Variants in HIPK1 observed in about 807,000 individuals in gnomAD.
The protein encoded by HIPK1 is homeodomain-interacting protein kinase 1.
A neutral mutation model predicts 117.1 loss-of-function variants in HIPK1; 28 were observed. That is an observed-to-expected ratio of 0.24 (90% CI 0.18 to 0.33). The LOEUF (loss-of-function observed/expected upper bound fraction) is 0.33. Ranked by LOEUF, HIPK1 falls within the 10% of genes least tolerant of loss-of-function variation. The pLI, the probability that HIPK1 is intolerant of heterozygous loss-of-function variation, is 1.00. For synonymous variants in HIPK1, 605 were observed against 562.5 expected (o/e 1.08, Z -1.07); for missense variants, 1,122 against 1,475.1 (o/e 0.76, Z 3.92).
intron 1 of HIPK1, chr1:113,929,983 T>G: frequency 1.0e-6 from 1 of 984,928 alleles, no homozygotes; most frequent in Non-Finnish European, 1.2e-6. Context: ...GGGAGCGACT[T>G]CCCCTCAGCT....
intron 13 of HIPK1, 79 bp from the exon 14 acceptor site, chr1:113,969,877 A>ACT: frequency 6.5e-7 from 1 of 1,530,540 alleles, no homozygotes; most frequent in Non-Finnish European, 8.9e-7. Context: ...ACTGCACTCC[A>ACT]GCCTGGGTGA....
In HIPK1 at chr1:113,955,642, T is replaced by C. The variant is rs772658709; in HGVS notation, c.1400T>C (p.Met467Thr). 3.8e-6 allele frequency: 6 copies of C among 1,580,574 alleles called. No homozygotes were observed. Among genetic ancestry groups the C allele is most frequent in the Non-Finnish European group, 4.3e-6 (5 of 1,151,634 alleles). ...TACATTTTTAATTGCTTAGATGACA[T>C]GGCTCAGGTGAGTACGGAAAGTTTC... Reference protein sequence around the residue: ...RKYIFNCLDDMAQVNMSTDLE... With the variant: ...RKYIFNCLDDTAQVNMSTDLE... Residue 467 changes from methionine (M) to threonine (T), a missense_variant, in exon 5 of 16, where the codon ATG becomes ACG. Met to Thr is a moderately conservative substitution (Grantham distance 81). Coordinates refer to ENST00000426820, the MANE Select transcript of HIPK1 (RefSeq NM_198268.3).
At chr1:113,969,909 A>G in intron 13 of HIPK1, 47 bp from the exon 14 acceptor site, 1 of 1,606,920 alleles carries the variant, frequency 6.2e-7, no homozygotes, top group Non-Finnish European at 8.5e-7. Context: ...GCTGTCACAC[A>G]CACAAAAAAG....
At chr1:113,954,492 A>C (rs1671579626) in intron 3 of HIPK1, 159 bp from the exon 4 acceptor site, 1 of 645,770 alleles carries the variant, frequency 1.5e-6, no homozygotes, top group African/African-American at 1.8e-5. Flanking sequence ...GTAGCTGTGG[A>C]TGGATTAGTA....
intron 11 of HIPK1, 63 bp downstream of exon 11, chr1:113,966,335 G>A (rs1198798122): frequency 1.4e-6 from 2 of 1,470,186 alleles, no homozygotes; most frequent in Non-Finnish European, 1.8e-6. Context: ...GGGAGCACTT[G>A]GTAATAAGGA....
intron 3 of HIPK1, among the ~76,000 whole-genome samples, chr1:113,953,194 G>C (rs1480086903): frequency 6.6e-6 from 1 of 152,150 alleles, no homozygotes; most frequent in African/African-American, 2.4e-5. Flanking sequence ...TGTGAGTTAG[G>C]AAAGTAGAGT....
Position 113,955,620 on chromosome 1 carries a change from A to G in HIPK1, c.1378A>G (p.Ile460Val). ...AAAATCAAAAGAAGCTCGGAAGTAC[A>G]TTTTTAATTGCTTAGATGACATGGC... ...GIKSKEARKY[I>V]FNCLDDMAQV... The change falls in exon 5 of 16, where the codon ATT becomes GTT. Residue 460 changes from isoleucine to valine, a missense_variant. Coordinates refer to ENST00000426820, the MANE Select transcript of HIPK1 (RefSeq NM_198268.3). The G allele has an allele frequency of 6.2e-7, 1 of 1,605,284 alleles. No homozygotes were observed. Among genetic ancestry groups the G allele is most frequent in the Non-Finnish European group, 8.5e-7 (1 of 1,172,314 alleles).
In HIPK1 at chr1:113,971,087, G is replaced by A. The variant is rs566850077; in HGVS notation, c.3014-737G>A. Among the ~76,000 whole-genome samples the A allele has an allele frequency of 1.1e-4, 16 of 152,310 alleles. No individual in the cohort carries two copies. The South Asian group carries it at 3.1e-3, about 30-fold the overall frequency. ...ACTTGTATAAATTATGTTTTATTAT[G>A]TATTATCTTACTGCCATAGACATAA... On this transcript the variant is annotated intron_variant, in intron 14 of 15. Coordinates refer to ENST00000426820, the MANE Select transcript of HIPK1 (RefSeq NM_198268.3).
At chr1:113,962,608 T>C (rs896099312) in intron 9 of HIPK1, among the ~76,000 whole-genome samples, 170 bp downstream of exon 9, 15 of 152,234 alleles carry the variant, frequency 9.9e-5, no homozygotes, top group African/African-American at 3.6e-4. Context: ...CCTAACACTA[T>C]TGCAACTCTG....
At chr1:113,936,578 C>T (rs1670262720) in intron 1 of HIPK1, among the ~76,000 whole-genome samples, 1 of 152,144 alleles carries the variant, frequency 6.6e-6, no homozygotes, top group Admixed American at 6.5e-5. Context: ...GATTCTCCTG[C>T]CTCAGCCTCC....
Position 113,968,660 on chromosome 1 carries a change from GA to G in HIPK1, c.2771+14del. The G allele has an allele frequency of 6.2e-7, 1 of 1,603,784 alleles. No homozygotes were observed. The highest frequency in any genetic ancestry group is 8.5e-7 in the Non-Finnish European group (1 of 1,170,668). ...TACAAGCCCAGTAGGTAAGATAAGT[GA>G]ATGGTTCCTGGCTCTATTGGTTTTA... On this transcript the variant is annotated intron_variant, in intron 13 of 15. Coordinates refer to ENST00000426820, the MANE Select transcript of HIPK1 (RefSeq NM_198268.3).
At chr1:113,964,908 G>A (rs1558145730) in intron 10 of HIPK1, among the ~76,000 whole-genome samples, 1 of 152,222 alleles carries the variant, frequency 6.6e-6, no homozygotes, top group African/African-American at 2.4e-5. Context: ...CGCTTGGAAC[G>A]CCAGATTTCT....
In HIPK1 at chr1:113,969,346, T is replaced by G. The variant is rs192176695; in HGVS notation, c.2772-610T>G. On this transcript the variant is annotated intron_variant, in intron 13 of 15. Transcript: ENST00000426820. ...TTCTGTCCTGGGTCTGAATCCTGTC[T>G]TCACCACTCATCACTTCTTGTGTGA... 1.4e-4 allele frequency among the ~76,000 whole-genome samples: 21 copies of G among 152,298 alleles called. 1 individual carries two copies. The highest frequency in any genetic ancestry group is 4.8e-4 in the African/African-American group (20 of 41,564).
chr1:113,946,364 T>C (rs1339593821), intron 2 of HIPK1, among the ~76,000 whole-genome samples: 1 of 152,194 alleles, frequency 6.6e-6, no homozygotes, highest in African/African-American at 2.4e-5. Flanking sequence ...CTTTAACTAT[T>C]TGTTTGCCCT....
intron 2 of HIPK1, among the ~76,000 whole-genome samples, chr1:113,948,923 TG>T (rs1014998569): frequency 6.6e-6 from 1 of 152,080 alleles, no homozygotes; most frequent in Admixed American, 6.6e-5. Flanking sequence ...CTGCAACCTC[TG>T]CCCCCCGGGT....
rs938215636 is a variant in HIPK1, at chr1:113,974,347, A to G, written c.*835A>G. 6.5e-6 allele frequency: 1 copy of G among 152,818 alleles called. No individual in the cohort carries two copies. Among genetic ancestry groups the G allele is most frequent in the Non-Finnish European group, 1.5e-5 (1 of 68,040 alleles). 9.5% of individuals were successfully genotyped at this position (152,818 alleles called of 1,614,324 possible). A position where few individuals can be genotyped will look rare whatever the true frequency, so the allele number is the denominator to read the frequency against. The stretch of plus-strand genomic sequence containing the variant: ...TTAAAAGTCTTTCTCTCTCTGATTC[A>G]GCTTAAATTTTTTTATCGAAAAAGC... On this transcript the variant is annotated 3_prime_UTR_variant, in exon 16 of 16. Transcript: ENST00000426820.
At chr1:113,947,747 G>C (rs572421432) in intron 2 of HIPK1, among the ~76,000 whole-genome samples, 1 of 152,320 alleles carries the variant, frequency 6.6e-6, no homozygotes, top group East Asian at 1.9e-4. Context: ...AATAACCAGA[G>C]CCTGTTTAGT....
In HIPK1 at chr1:113,939,951, T is replaced by A. The variant is rs1191966594; in HGVS notation, c.-2-431T>A. Among the ~76,000 whole-genome samples the A allele has an allele frequency of 2.0e-5, 3 of 151,198 alleles. No homozygotes were observed. In the East Asian group the frequency reaches 5.8e-4, roughly 29 times the overall value. Reference sequence around the variant, plus strand: ...ACTCTAGCTTTCTCATCATCCTGGTTACTTTTTTTTTTTTTTTTTTCAATT... The same window carrying A: ...ACTCTAGCTTTCTCATCATCCTGGTAACTTTTTTTTTTTTTTTTTTCAATT... On this transcript the variant is annotated intron_variant, in intron 1 of 15. Transcript: ENST00000426820.
chr1:113,930,169 G>A (rs1025034298), intron 1 of HIPK1, among the ~76,000 whole-genome samples: 2 of 152,240 alleles, frequency 1.3e-5, no homozygotes, highest in Non-Finnish European at 2.9e-5. Context: ...GCTGGTTTTC[G>A]GGGCAACTCC....
Sources: allele counts gnomAD v4.1 joint callset (sites outside exome capture counted in the v4.1 genomes callset), GRCh38; gene constraint gnomAD v4.1.1; transcripts MANE v1.5; gene names NCBI Gene and HGNC (gene_info 2026-07-23, HGNC 2026-07-21).